The following CCSER1 variants were observed in gnomAD, a reference collection of about 807,000 sequenced individuals.
The protein encoded by CCSER1 is serine-rich coiled-coil domain-containing protein 1.
A neutral mutation model predicts 82.0 loss-of-function variants in CCSER1; 41 were observed. That is an observed-to-expected ratio of 0.50 (90% confidence interval 0.39 to 0.65). The LOEUF (loss-of-function observed/expected upper bound fraction) is 0.65. Ranked by LOEUF, CCSER1 falls within the 30% of genes least tolerant of loss-of-function variation. The pLI is 0.00. For synonymous variants in CCSER1, 414 were observed against 383.9 expected (o/e 1.08, Z -0.92); for missense variants, 1,119 against 1,064.2 (o/e 1.05, Z -0.72).
At chr4:91,374,598 G>A (rs1205658928) in intron 10 of CCSER1, among the ~76,000 whole-genome samples, 2 of 152,152 alleles carry the variant, frequency 1.3e-5, no homozygotes, top group African/African-American at 4.8e-5. Context: ...GAGCTATGAT[G>A]GAAATGAACA....
At chr4:90,689,103 T>C (rs1735338831) in intron 6 of CCSER1, among the ~76,000 whole-genome samples, 1 of 152,140 alleles carries the variant, frequency 6.6e-6, no homozygotes, top group African/African-American at 2.4e-5. Context: ...CTTAATTCTG[T>C]TTTCAGAGTA....
intron 10 of CCSER1, among the ~76,000 whole-genome samples, chr4:91,187,809 T>G (rs529467667): frequency 6.6e-6 from 1 of 152,354 alleles, no homozygotes; most frequent in South Asian, 2.1e-4. Flanking sequence ...CGCCTTGGCC[T>G]CCCAAAGTGC....
At chr4:90,905,437 A>G (rs1254800592) in intron 8 of CCSER1, among the ~76,000 whole-genome samples, 1 of 151,776 alleles carries the variant, frequency 6.6e-6, no homozygotes, top group African/African-American at 2.4e-5. Context: ...CGCCTCTTGA[A>G]CTTTATCCAG....
intron 4 of CCSER1, among the ~76,000 whole-genome samples, chr4:90,419,341 A>G (rs532045515): frequency 2.3e-4 from 35 of 152,064 alleles, no homozygotes; most frequent in Middle Eastern, 3.4e-3. Flanking sequence ...CCTGTCATAC[A>G]TTTGTATTCA....
chr4:90,782,681 C>CTTTTTTTTTTTTTTTT lies in CCSER1; in HGVS notation c.2011-33078_2011-33077insTTTTTTTTTTTTTTTT, dbSNP rs200701722. ...GGACAGGGATTTCTTTCTTTTCTTT[C>CTTTTTTTTTTTTTTTT]TTTCTTTTTTTTTTTTTTTTGAGAC... On this transcript the variant is annotated intron_variant, in intron 7 of 10. Coordinates refer to ENST00000509176, the MANE Select transcript of CCSER1 (RefSeq NM_001145065.2). Among the ~76,000 whole-genome samples the CTTTTTTTTTTTTTTTT allele has an allele frequency of 6.5e-5, 8 of 123,972 alleles. 1 individual carries two copies. The highest frequency in any genetic ancestry group is 2.5e-4 in the Admixed American group (3 of 12,224). 81.3% of individuals were successfully genotyped at this position (123,972 alleles called of 152,430 possible).
chr4:91,361,378 C>T (rs1749231188), intron 10 of CCSER1, among the ~76,000 whole-genome samples: 1 of 151,726 alleles, frequency 6.6e-6, no homozygotes, highest in African/African-American at 2.4e-5. Flanking sequence ...GAAAAAGAAT[C>T]AGCTGGAAGC....
chr4:90,761,159 A>G (rs1037478185), intron 7 of CCSER1, among the ~76,000 whole-genome samples: 1 of 152,108 alleles, frequency 6.6e-6, no homozygotes, highest in African/African-American at 2.4e-5. Flanking sequence ...TGCTGTCGTT[A>G]CTAACTATGG....
chr4:90,743,465 A>C (rs1746896298), intron 7 of CCSER1, among the ~76,000 whole-genome samples: 1 of 152,160 alleles, frequency 6.6e-6, no homozygotes. Flanking sequence ...TCTTTTTCTC[A>C]CATAGTTTAT....
chr4:90,280,396 G>T (rs914576368), intron 1 of CCSER1, among the ~76,000 whole-genome samples: 3 of 149,878 alleles, frequency 2.0e-5, no homozygotes, highest in Non-Finnish European at 4.5e-5. Flanking sequence ...TCCATCTCCT[G>T]TTTTTTTCTT....
chr4:90,474,272 G>A (rs1255635738), intron 5 of CCSER1, among the ~76,000 whole-genome samples: 2 of 152,076 alleles, frequency 1.3e-5, no homozygotes, highest in Non-Finnish European at 2.9e-5. Flanking sequence ...GGTGACTCTC[G>A]AGCTAACATC....
chr4:90,365,106 G>T (rs1746047580), intron 3 of CCSER1, among the ~76,000 whole-genome samples: 1 of 151,752 alleles, frequency 6.6e-6, no homozygotes, highest in Admixed American at 6.6e-5. Context: ...ATATATTTTT[G>T]AGGGGAAAAA....
intron 9 of CCSER1, among the ~76,000 whole-genome samples, chr4:91,079,861 A>G (rs931512118): frequency 2.0e-5 from 3 of 152,198 alleles, no homozygotes; most frequent in African/African-American, 7.2e-5. Flanking sequence ...CAACAAAAAG[A>G]GCTAACTATT....
intron 9 of CCSER1, among the ~76,000 whole-genome samples, chr4:91,023,695 C>T (rs1357553827): frequency 6.6e-6 from 1 of 152,020 alleles, no homozygotes; most frequent in East Asian, 1.9e-4. Context: ...GACCTAAAAC[C>T]ATAAAAACCC....
intron 10 of CCSER1, among the ~76,000 whole-genome samples, chr4:91,360,860 T>C (rs1749200310): frequency 6.6e-6 from 1 of 151,816 alleles, no homozygotes; most frequent in African/African-American, 2.4e-5. Context: ...TTACCTGTAG[T>C]TAAGAATGCA....
chr4:90,705,956 C>T (rs188284621), intron 6 of CCSER1, among the ~76,000 whole-genome samples: 20 of 152,312 alleles, frequency 1.3e-4, no homozygotes, highest in South Asian at 2.1e-4. Flanking sequence ...CTTCAGCTTA[C>T]GCTTGTTGGA....
chr4:91,156,181 T>C (rs116176789), intron 10 of CCSER1, among the ~76,000 whole-genome samples: 1 of 151,874 alleles, frequency 6.6e-6, no homozygotes, highest in African/African-American at 2.4e-5. Context: ...TAGGGGTTCA[T>C]TATATCTACT....
chr4:90,759,140 G>A (rs745907603), intron 7 of CCSER1, among the ~76,000 whole-genome samples: 4 of 152,012 alleles, frequency 2.6e-5, no homozygotes, highest in Non-Finnish European at 4.4e-5. Context: ...AGACACCAAC[G>A]CTTCCTCCCA....
intron 10 of CCSER1, among the ~76,000 whole-genome samples, chr4:91,143,482 C>G (rs570923066): frequency 1.3e-5 from 2 of 151,998 alleles, no homozygotes; most frequent in Non-Finnish European, 2.9e-5. Flanking sequence ...ATTTATCTTG[C>G]CTGATTGCTC....
chr4:90,286,755 T>G (rs1259038898), intron 1 of CCSER1, among the ~76,000 whole-genome samples: 2 of 152,006 alleles, frequency 1.3e-5, no homozygotes, highest in African/African-American at 4.8e-5. Flanking sequence ...TCCCATGTAG[T>G]AGTAGAATTT....
Sources: gnomAD v4.1 joint callset for allele counts (sites outside exome capture counted in the v4.1 genomes callset) on GRCh38, gnomAD v4.1.1 for gene constraint, MANE v1.5 for transcripts, NCBI Gene and HGNC (gene_info 2026-07-23, HGNC 2026-07-21) for gene names.